Variants in MCC observed in about 807,000 individuals in gnomAD.
MCC encodes the protein colorectal mutant cancer protein.
MCC carries 90 observed loss-of-function variants against 116.2 expected under a neutral mutation model. That is an observed-to-expected ratio of 0.77 (90% CI 0.65 to 0.92). The LOEUF (loss-of-function observed/expected upper bound fraction) is 0.92. Among genes scored for constraint, MCC ranks in the 40% least tolerant of loss-of-function variants. The pLI, the probability that MCC is intolerant of heterozygous loss-of-function variation, is 0.00. For missense variants in MCC, 1,516 were observed against 1,312.2 expected (o/e 1.16, Z -2.40); for synonymous variants, 578 against 510.5 (o/e 1.13, Z -1.78).
intron 3 of MCC, among the ~76,000 whole-genome samples, chr5:113,266,666 C>T (rs1175253552): frequency 6.6e-6 from 1 of 152,168 alleles, no homozygotes; most frequent in Admixed American, 6.5e-5. Context: ...TAGGCGTGAG[C>T]CACCACATCC....
At chr5:113,271,887 A>G (rs1765632396) in intron 3 of MCC, among the ~76,000 whole-genome samples, 1 of 152,124 alleles carries the variant, frequency 6.6e-6, no homozygotes, top group Admixed American at 6.5e-5. Context: ...CTTCTACAAC[A>G]ATGAGCCAAA....
intron 3 of MCC, chr5:113,294,611 T>C (rs1350065541): frequency 1.7e-6 from 2 of 1,168,122 alleles, no homozygotes; most frequent in African/African-American, 3.2e-5. Context: ...GGAGGCTCGG[T>C]GGCGCGGCGC....
chr5:113,465,640 T>C (rs1771881932), intron 1 of MCC, among the ~76,000 whole-genome samples: 1 of 152,142 alleles, frequency 6.6e-6, no homozygotes, highest in South Asian at 2.1e-4. Context: ...GGATCTCTAA[T>C]ATACGAAGAC....
chr5:113,202,986 A>T (rs999316525), intron 3 of MCC, among the ~76,000 whole-genome samples: 6 of 152,146 alleles, frequency 3.9e-5, no homozygotes, highest in Admixed American at 6.5e-5. Context: ...GCTACCAGTA[A>T]AGCGCATACA....
At chr5:113,385,852 A>G (rs1022350053) in intron 1 of MCC, among the ~76,000 whole-genome samples, 72 of 152,336 alleles carry the variant, frequency 4.7e-4, no homozygotes, top group African/African-American at 1.4e-3. Context: ...TTCCAGGACT[A>G]GATTTAATGT....
intron 3 of MCC, among the ~76,000 whole-genome samples, chr5:113,334,327 C>A (rs926118958): frequency 9.3e-5 from 14 of 150,630 alleles, no homozygotes; most frequent in African/African-American, 3.2e-4. Flanking sequence ...CCCACTTCAG[C>A]CTCCCAAGTA....
intron 17 of MCC, among the ~76,000 whole-genome samples, chr5:113,037,217 G>A (rs1039587919): frequency 6.6e-6 from 1 of 152,152 alleles, no homozygotes; most frequent in Non-Finnish European, 1.5e-5. Flanking sequence ...CTGAAATAGG[G>A]GTCAACTAGG....
rs187174682 is a variant in MCC at position 113,156,198 on chromosome 5, C to T, written c.628-4776G>A. On this transcript the variant is annotated intron_variant, in intron 3 of 18. Transcript: ENST00000408903. ...AGAAATAAACCTCTGTTATACAAAG[C>T]GCTATGAAGTTGAGAGTTTCTGGCA... Among the ~76,000 whole-genome samples the T allele has an allele frequency of 1.4e-4, 21 of 152,288 alleles. 1 individual carries two copies. The highest frequency in any genetic ancestry group is 4.8e-4 in the African/African-American group (20 of 41,554).
At chr5:113,034,499 G>A (rs990883753) in intron 17 of MCC, among the ~76,000 whole-genome samples, 2 of 152,218 alleles carry the variant, frequency 1.3e-5, no homozygotes, top group Non-Finnish European at 2.9e-5. Context: ...GTCATCGGGC[G>A]AGAGCCCAGT....
At chr5:113,197,716 C>T (rs924424759) in intron 3 of MCC, among the ~76,000 whole-genome samples, 9 of 152,138 alleles carry the variant, frequency 5.9e-5, no homozygotes, top group African/African-American at 1.9e-4. Context: ...TCACAGCAAC[C>T]CCACATGGGT....
Position 113,379,617 on chromosome 5 carries a change from C to T in MCC, c.415+5351G>A, listed in dbSNP as rs564753522. Among the ~76,000 whole-genome samples, 5 of 152,244 alleles carry T rather than the reference C, an allele frequency of 3.3e-5. No homozygotes were observed. In the East Asian group the frequency reaches 7.7e-4, roughly 23 times the overall value. On this transcript the variant is annotated intron_variant, in intron 2 of 18. Transcript: ENST00000408903. ...GCAAATTGTCTCATGCTAATAAATA[C>T]TAGTAATTTTAAAACATTTGTATTA...
intron 6 of MCC, among the ~76,000 whole-genome samples, chr5:113,116,961 G>GT (rs1757431626): frequency 1.3e-5 from 2 of 152,340 alleles, no homozygotes; most frequent in South Asian, 2.1e-4. Context: ...AAAGAAAAAG[G>GT]TAACAAAGGG....
At chr5:113,417,619 T>C (rs532426386) in intron 1 of MCC, among the ~76,000 whole-genome samples, 84 of 152,320 alleles carry the variant, frequency 5.5e-4, no homozygotes, top group African/African-American at 1.4e-3. Flanking sequence ...AGATTTCTTA[T>C]GCACAGGTGT....
At chr5:113,449,897 C>T (rs948412261) in intron 1 of MCC, among the ~76,000 whole-genome samples, 1 of 152,096 alleles carries the variant, frequency 6.6e-6, no homozygotes, top group Non-Finnish European at 1.5e-5. Context: ...ATTTATAGTC[C>T]TATGTAGGTG....
chr5:113,206,777 AAAGT>A (rs1470125558), intron 3 of MCC, among the ~76,000 whole-genome samples: 2 of 152,236 alleles, frequency 1.3e-5, no homozygotes, highest in African/African-American at 4.8e-5. Context: ...TTGTACTTAA[AAAGT>A]AAGTAAATTA....
At chr5:113,432,288 A>G (rs1770677594) in intron 1 of MCC, among the ~76,000 whole-genome samples, 1 of 140,494 alleles carries the variant, frequency 7.1e-6, no homozygotes, top group Admixed American at 8.0e-5. Flanking sequence ...ACACCACTGC[A>G]CTCCAGCCTG....
chr5:113,487,396 G>C (rs1045124345), intron 1 of MCC, among the ~76,000 whole-genome samples: 4 of 152,196 alleles, frequency 2.6e-5, no homozygotes, highest in African/African-American at 9.6e-5. Flanking sequence ...AAGCATACCA[G>C]AAAATGTTGC....
chr5:113,337,145 C>T (rs1767889513), intron 3 of MCC, among the ~76,000 whole-genome samples: 2 of 152,164 alleles, frequency 1.3e-5, no homozygotes, highest in Non-Finnish European at 1.5e-5. Context: ...CCTGCTAGCT[C>T]TTGTGGTGGG....
chr5:113,131,605 G>T (rs1202911025), intron 5 of MCC, among the ~76,000 whole-genome samples: 1 of 152,144 alleles, frequency 6.6e-6, no homozygotes, highest in Non-Finnish European at 1.5e-5. Flanking sequence ...AAGGGCTGCA[G>T]AAAAGAGAGG....
Sources: allele counts gnomAD v4.1 joint callset (sites outside exome capture counted in the v4.1 genomes callset), GRCh38; gene constraint gnomAD v4.1.1; transcripts MANE v1.5; gene names NCBI Gene and HGNC (gene_info 2026-07-23, HGNC 2026-07-21).